CNTLN: variants seen among roughly 807,000 people sequenced by gnomAD.
The protein encoded by CNTLN is centlein.
In CNTLN, 212 loss-of-function variants were observed where a neutral mutation model predicts 180.0. The ratio of observed to expected loss-of-function variants is 1.18; its 90% CI spans 1.05 to 1.32. The LOEUF is 1.32. Ranked by LOEUF, CNTLN falls within the 40% of genes most tolerant of loss-of-function variation. CNTLN has a pLI of 0.00. For missense variants in CNTLN, 2,095 were observed against 1,610.9 expected, an observed-to-expected ratio of 1.30 and a Z score of -5.14; for synonymous variants, 722 against 563.1, an observed-to-expected ratio of 1.28 and a Z score of -3.99.
chr9:17,437,990 A>G (rs558294578), intron 18 of CNTLN, among the ~76,000 whole-genome samples: 62 of 152,288 alleles, frequency 4.1e-4, no homozygotes, highest in African/African-American at 1.3e-3. Flanking sequence ...AGAAGAAAGG[A>G]TAGCTTGAAA....
intron 16 of CNTLN, 54 bp from the exon 17 acceptor site, chr9:17,415,734 A>C: frequency 9.3e-7 from 1 of 1,074,802 alleles, no homozygotes; most frequent in Non-Finnish European, 1.4e-6. Flanking sequence ...ATATCAGTTC[A>C]CTTGATGTTG....
At chr9:17,411,029 C>CT (rs1386759752) in intron 16 of CNTLN, among the ~76,000 whole-genome samples, 1 of 151,956 alleles carries the variant, frequency 6.6e-6, no homozygotes, top group Non-Finnish European at 1.5e-5. Context: ...TCTACAAAAA[C>CT]TTTTTTTGGG....
intron 25 of CNTLN, among the ~76,000 whole-genome samples, chr9:17,493,421 G>T (rs1158092396): frequency 2.0e-5 from 3 of 152,038 alleles, no homozygotes; most frequent in African/African-American, 7.2e-5. Context: ...AGATAGACAA[G>T]TTCCTTGAGA....
intron 8 of CNTLN, among the ~76,000 whole-genome samples, chr9:17,312,336 A>T (rs1219601278): frequency 1.7e-5 from 1 of 60,158 alleles, no homozygotes; most frequent in African/African-American, 5.2e-5. Flanking sequence ...CGATAAGATT[A>T]CTGTATTTAT....
At chr9:17,235,063 C>T (rs143037079) in intron 3 of CNTLN, among the ~76,000 whole-genome samples, 2,709 of 152,162 alleles carry the variant, frequency 0.018, 92 homozygotes, top group African/African-American at 0.062. Context: ...TACAGAGAAA[C>T]AAGGAAAGCT....
At chr9:17,372,267 A>G (rs1342481928) in intron 13 of CNTLN, among the ~76,000 whole-genome samples, 1 of 152,188 alleles carries the variant, frequency 6.6e-6, no homozygotes, top group Admixed American at 6.5e-5. Flanking sequence ...GAAAAAGTAG[A>G]CATTACAACA....
At chr9:17,166,159 A>G (rs1042373176) in intron 2 of CNTLN, among the ~76,000 whole-genome samples, 1 of 152,188 alleles carries the variant, frequency 6.6e-6, no homozygotes, top group Admixed American at 6.5e-5. Context: ...TTAATATTGT[A>G]AGACATGTAA....
rs192727328 is a variant in CNTLN, at chr9:17,156,721, C to G, written c.449+13345C>G. On this transcript the variant is annotated intron_variant, in intron 2 of 25. Coordinates refer to ENST00000380647, the MANE Select transcript of CNTLN (RefSeq NM_017738.4). ...AGATTTTACAGGTTCAGTTCCAGAC[C>G]ACTGCAATAAAGCAAATATTGCAAT... 1.0e-3 allele frequency among the ~76,000 whole-genome samples: 155 copies of G among 152,140 alleles called. No individual in the cohort carries two copies. In the Middle Eastern group the frequency reaches 0.017, roughly 17 times the overall value.
At chr9:17,466,587 C>A in intron 22 of CNTLN, 119 bp from the exon 23 acceptor site, 1 of 743,760 alleles carries the variant, frequency 1.3e-6, no homozygotes, top group Non-Finnish European at 2.1e-6. Flanking sequence ...TTAATTTTAC[C>A]CAAATAATAA....
At chr9:17,469,593 C>G (rs774956307) in intron 23 of CNTLN, among the ~76,000 whole-genome samples, 5 of 151,808 alleles carry the variant, frequency 3.3e-5, no homozygotes, top group Non-Finnish European at 5.9e-5. Flanking sequence ...TGCGTTAGAT[C>G]AATGCTTCCT....
intron 2 of CNTLN, among the ~76,000 whole-genome samples, chr9:17,185,846 G>T (rs1821403301): frequency 6.7e-6 from 1 of 150,004 alleles, no homozygotes; most frequent in Admixed American, 6.7e-5. Flanking sequence ...AGGCTAGAGT[G>T]CAGTGGTGAG....
At chr9:17,276,029 A>T (rs1045142825) in intron 6 of CNTLN, among the ~76,000 whole-genome samples, 3 of 152,128 alleles carry the variant, frequency 2.0e-5, no homozygotes, top group Admixed American at 6.6e-5. Context: ...TACCTGTTGG[A>T]TACTATATTT....
intron 6 of CNTLN, among the ~76,000 whole-genome samples, chr9:17,293,999 C>T (rs566524757): frequency 5.9e-5 from 9 of 152,212 alleles, no homozygotes; most frequent in South Asian, 2.1e-4. Context: ...AGCCACGGAC[C>T]CTTGCGGTGA....
At chr9:17,320,997 A>G (rs1819870451) in intron 8 of CNTLN, among the ~76,000 whole-genome samples, 1 of 152,150 alleles carries the variant, frequency 6.6e-6, no homozygotes, top group African/African-American at 2.4e-5. Flanking sequence ...TCTTGCAATT[A>G]TTTATTATAA....
At chr9:17,522,961 C>T in the CNTLN span, among the ~76,000 whole-genome samples, 1 of 151,850 alleles carries the variant, frequency 6.6e-6, no homozygotes, top group African/African-American at 2.4e-5. Context: ...TCATTTGGTG[C>T]CCAGCTTTTT....
intron 2 of CNTLN, among the ~76,000 whole-genome samples, chr9:17,169,678 C>T (rs1820304532): frequency 6.6e-6 from 1 of 151,934 alleles, no homozygotes. Context: ...ATTGTGTATT[C>T]TTGGCACCTT....
At chr9:17,490,605 G>A (rs1042755637) in intron 25 of CNTLN, among the ~76,000 whole-genome samples, 54 of 152,024 alleles carry the variant, frequency 3.6e-4, no homozygotes, top group African/African-American at 8.7e-4. Context: ...GACTGCTTAC[G>A]GATAGAATTT....
chr9:17,518,499 G>T, the CNTLN span, among the ~76,000 whole-genome samples: 2 of 152,068 alleles, frequency 1.3e-5, no homozygotes, highest in South Asian at 4.1e-4. Context: ...GGGAAGTGTG[G>T]CATTGATAAT....
intron 5 of CNTLN, among the ~76,000 whole-genome samples, chr9:17,239,185 A>G (rs1825337474): frequency 6.6e-6 from 1 of 152,074 alleles, no homozygotes; most frequent in Non-Finnish European, 1.5e-5. Flanking sequence ...GGCGCGTGCC[A>G]CCACATGCAG....
Sources: allele counts gnomAD v4.1 joint callset (sites outside exome capture counted in the v4.1 genomes callset), GRCh38; gene constraint gnomAD v4.1.1; transcripts MANE v1.5; gene names NCBI Gene and HGNC (gene_info 2026-07-23, HGNC 2026-07-21).